FBXL18: variants seen among roughly 807,000 people sequenced by gnomAD.
The protein encoded by FBXL18 is F-box and leucine rich repeat protein 18, also known as F-box/LRR-repeat protein 18.
A neutral mutation model predicts 46.0 loss-of-function variants in FBXL18; 36 were observed. The ratio of observed to expected loss-of-function variants is 0.78; its 90% CI spans 0.60 to 1.03. The LOEUF is 1.03. FBXL18 is among the 50% of genes least tolerant of loss of function. FBXL18 has a pLI of 0.00. For synonymous variants in FBXL18, 557 were observed against 465.3 expected, an observed-to-expected ratio of 1.20 and a Z score of -2.54; for missense variants, 977 against 1,004.1, an observed-to-expected ratio of 0.97 and a Z score of 0.36.
intron 2 of FBXL18, among the ~76,000 whole-genome samples, chr7:5,502,263 G>A (rs552450220): frequency 3.2e-4 from 49 of 152,338 alleles, no homozygotes; most frequent in African/African-American, 9.4e-4. Context: ...AGGTGGGCAC[G>A]GTGGCTCATG....
chr7:5,485,540 G>A (rs1000822440), intron 4 of FBXL18, among the ~76,000 whole-genome samples: 6 of 152,186 alleles, frequency 3.9e-5, no homozygotes, highest in Non-Finnish European at 5.9e-5. Context: ...GAGGCCAGGC[G>A]CAGTGGCTCA....
intron 1 of FBXL18, among the ~76,000 whole-genome samples, chr7:5,508,204 T>G (rs1264428995): frequency 6.6e-6 from 1 of 150,870 alleles, no homozygotes; most frequent in East Asian, 1.9e-4. Context: ...ATGTGGAGGT[T>G]GCAGTGAGCT....
chr7:5,465,070 A>T (rs1427763293), intron 4 of FBXL18, among the ~76,000 whole-genome samples: 1 of 152,178 alleles, frequency 6.6e-6, no homozygotes, highest in African/African-American at 2.4e-5. Context: ...CTCAACAAAC[A>T]ATACTAATAA....
At position 5,468,305 on chromosome 7, in the gene FBXL18, A is replaced by G. The variant is rs560597559; in HGVS notation, c.2001-20462T>C. On this transcript the variant is annotated intron_variant and NMD_transcript_variant, in intron 4 of 6. Transcript: ENST00000415009. ...GCCCTGTTTTTGTATTTTTAGTAGA[A>G]ACGGGATTTCACTGTGTCAGCCAGG... Among the ~76,000 whole-genome samples the G allele has an allele frequency of 5.2e-4, 74 of 142,750 alleles. No individual in the cohort carries two copies. In the East Asian group the frequency reaches 0.012, roughly 23 times the overall value. The allele number at this position is 142,750 out of a possible 152,430, so 93.6% of individuals were successfully genotyped here. A position where few individuals can be genotyped will look rare whatever the true frequency, so the allele number is the denominator to read the frequency against.
chr7:5,460,123 G>A (rs1014238110), intron 4 of FBXL18, among the ~76,000 whole-genome samples: 4 of 152,056 alleles, frequency 2.6e-5, no homozygotes, highest in South Asian at 4.2e-4. Context: ...GTGTTGTGGT[G>A]CATGCCTGTA....
chr7:5,511,432 A>T (rs946481675), intron 1 of FBXL18, among the ~76,000 whole-genome samples: 3 of 152,068 alleles, frequency 2.0e-5, no homozygotes, highest in African/African-American at 7.3e-5. Flanking sequence ...TACAAAAAAA[A>T]AATGTATTTT....
rs185224095 is a variant in FBXL18 at position 5,488,441 on chromosome 7, T to C, written c.2000+2790A>G. On this transcript the variant is annotated intron_variant, in intron 4 of 4. Coordinates refer to ENST00000382368, the MANE Select transcript of FBXL18 (RefSeq NM_024963.6). Reference sequence around the variant, plus strand: ...CATGAGCACAGCCGTCCTGAACTGCTTGGGGATCGTGGACGTTCTCCGCTG... The same window carrying C: ...CATGAGCACAGCCGTCCTGAACTGCCTGGGGATCGTGGACGTTCTCCGCTG... Among the ~76,000 whole-genome samples the C allele has an allele frequency of 3.2e-3, 488 of 152,074 alleles. 1 individual carries two copies. The highest frequency in any genetic ancestry group is 5.0e-3 in the Non-Finnish European group (337 of 68,004).
chr7:5,508,428 C>T (rs1309510537), intron 1 of FBXL18, among the ~76,000 whole-genome samples: 4 of 141,766 alleles, frequency 2.8e-5, no homozygotes, highest in East Asian at 2.0e-4. Flanking sequence ...GGCAACAGAG[C>T]GAGACTTTGT....
chr7:5,463,728 A>ATTTTTTTTTTTTTTT (rs552002078), intron 4 of FBXL18, among the ~76,000 whole-genome samples: 9 of 53,010 alleles, frequency 1.7e-4, no homozygotes, highest in Admixed American at 5.8e-4. Flanking sequence ...TTATTTATTT[A>ATTTTTTTTTTTTTTT]TTTTTTTTTT....
At position 5,463,696 on chromosome 7, in the gene FBXL18, A is replaced by C. The variant is rs1306180055; in HGVS notation, c.2001-15853T>G. 2.2e-3 allele frequency among the ~76,000 whole-genome samples: 132 copies of C among 59,164 alleles called. 4 individuals are homozygous for C. The highest frequency in any genetic ancestry group is 0.01 in the African/African-American group (129 of 12,798). 38.8% of individuals were successfully genotyped at this position (59,164 alleles called of 152,430 possible). ...TAAATGTGCTTCATGCCCCTGAACT[A>C]TATATATATTTATTTATTTATTTAT... On this transcript the variant is annotated intron_variant and NMD_transcript_variant, in intron 4 of 6. Transcript: ENST00000415009.
intron 4 of FBXL18, among the ~76,000 whole-genome samples, chr7:5,490,514 C>A (rs1783894462): frequency 1.3e-5 from 2 of 152,198 alleles, no homozygotes; most frequent in African/African-American, 4.8e-5. Context: ...AGGGGCCAGA[C>A]TATGTGGGCC....
At chr7:5,498,554 C>T (rs1366079721) in intron 3 of FBXL18, among the ~76,000 whole-genome samples, 4 of 152,202 alleles carry the variant, frequency 2.6e-5, no homozygotes, top group African/African-American at 9.6e-5. Context: ...CACGCCCGGC[C>T]CATTTGGGGT....
intron 1 of FBXL18, among the ~76,000 whole-genome samples, chr7:5,508,222 C>T (rs1402534958): frequency 2.7e-5 from 4 of 150,628 alleles, no homozygotes; most frequent in South Asian, 2.1e-4. Context: ...GCTGAGATCG[C>T]GCCACTGCAC....
rs1445638987 is a variant in FBXL18 at position 5,500,738 on chromosome 7, G to A, written c.1531C>T (p.Pro511Ser). The A allele has an allele frequency of 6.2e-7, 1 of 1,612,490 alleles. No homozygotes were observed. The highest frequency in any genetic ancestry group is 8.5e-7 in the Non-Finnish European group (1 of 1,179,684). ...ACACTCTGTGCGCGGCTGCAGGGTG[G>A]GAGCGAGTTGCGGATGGCGGGCTCG... Reference protein sequence around the residue: ...RNEPAIRNSLPPCSRAQSVGD... With the variant: ...RNEPAIRNSLSPCSRAQSVGD... The change falls in exon 3 of 5, where the codon CCA becomes TCA. Residue 511 changes from proline (P) to serine (S), a missense_variant. By Grantham distance (74) the Pro-to-Ser change is moderately conservative. Transcript: ENST00000382368.
chr7:5,470,227 G>A lies in FBXL18; in HGVS notation c.2000+21004C>T, dbSNP rs189875239. Among the ~76,000 whole-genome samples the A allele has an allele frequency of 8.4e-3, 1,275 of 152,252 alleles. 27 individuals carry two copies. Among genetic ancestry groups the A allele is most frequent in the African/African-American group, 0.029 (1,195 of 41,542 alleles). ...GCTGCATGCTGGCCGAGGGGGCCTG[G>A]CACACAGAGGCCGATCCCCAGAGGG... On this transcript the variant is annotated intron_variant and NMD_transcript_variant, in intron 4 of 6. Coordinates refer to the FBXL18 transcript ENST00000415009.
chr7:5,497,604 G>C (rs1207331951), intron 3 of FBXL18, among the ~76,000 whole-genome samples: 1 of 152,202 alleles, frequency 6.6e-6, no homozygotes, highest in Non-Finnish European at 1.5e-5. Context: ...CCTCCAGCTC[G>C]GCTGCTCCCG....
At chr7:5,490,091 A>G (rs769063158) in intron 4 of FBXL18, 7 of 1,361,674 alleles carry the variant, frequency 5.1e-6, no homozygotes, top group Middle Eastern at 2.1e-4. Flanking sequence ...CAAGGACAAC[A>G]GACTACCCCA....
intron 4 of FBXL18, among the ~76,000 whole-genome samples, chr7:5,468,205 G>C (rs113955669): frequency 2.0e-5 from 3 of 152,126 alleles, no homozygotes; most frequent in Middle Eastern, 3.4e-3. Context: ...GGATGGTCTC[G>C]ATCTCCTGAC....
chr7:5,462,014 A>T lies in FBXL18; in HGVS notation c.2001-14171T>A, dbSNP rs113867899. 4.9e-3 allele frequency among the ~76,000 whole-genome samples: 750 copies of T among 152,162 alleles called. 7 individuals are homozygous for T. The highest frequency in any genetic ancestry group is 0.017 in the African/African-American group (717 of 41,524). On this transcript the variant is annotated intron_variant and NMD_transcript_variant, in intron 4 of 6. Transcript: ENST00000415009. ...TCCTGTAATCCCAGCACTATGAGGG[A>T]CTGAATCACCTGAGGTCGAGTTCGA...
Sources: allele counts gnomAD v4.1 joint callset (sites outside exome capture counted in the v4.1 genomes callset), GRCh38; gene constraint gnomAD v4.1.1; transcripts MANE v1.5; gene names NCBI Gene and HGNC (gene_info 2026-07-23, HGNC 2026-07-21).